KARS1: variants seen among roughly 807,000 people sequenced by gnomAD.
KARS1 encodes the protein lysyl-tRNA synthetase 1.
A neutral mutation model predicts 63.9 loss-of-function variants in KARS1; 50 were observed. The ratio of observed to expected loss-of-function variants is 0.78; its 90% CI spans 0.62 to 0.99. The LOEUF is 0.99. Ranked by LOEUF, KARS1 falls within the 50% of genes least tolerant of loss-of-function variation. The pLI, the probability that KARS1 is intolerant of heterozygous loss-of-function variation, is 0.00. For synonymous variants in KARS1, 320 were observed against 264.6 expected (o/e 1.21, Z -2.03); for missense variants, 816 against 754.5 (o/e 1.08, Z -0.95).
At chr16:75,632,877 G>T (rs564712518) in intron 7 of KARS1, among the ~76,000 whole-genome samples, 1 of 152,206 alleles carries the variant, frequency 6.6e-6, no homozygotes, top group Admixed American at 6.5e-5. Flanking sequence ...TACGTAGCTT[G>T]TAATAACTGA....
chr16:75,640,324 G>A lies in KARS1; in HGVS notation c.248C>T (p.Ala83Val), dbSNP rs1460562043. 2 of 1,609,180 alleles carry A rather than the reference G, an allele frequency of 1.2e-6. No individual in the cohort carries two copies. The highest frequency in any genetic ancestry group is 1.7e-6 in the Non-Finnish European group (2 of 1,178,654). ...PNQYYKIRSQ[A>V]IHQLKVNGED... is the part of the protein sequence containing the mutation. ...CCCATTGACCTTCAGCTGATGAATT[G>A]CTTGACTGCGGATTTTGTAGTATTG... is the stretch of plus-strand genomic sequence containing the variant. Residue 83 changes from alanine (A) to valine (V), a missense_variant, in exon 3 of 14, where the codon GCA (alanine) becomes GTA (valine). By Grantham distance (64) the Ala-to-Val change is moderately conservative. Coordinates refer to ENST00000302445, the MANE Select transcript of KARS1 (RefSeq NM_005548.3).
intron 12 of KARS1, 121 bp from the exon 13 acceptor site, chr16:75,628,833 G>C (rs183997185): frequency 9.8e-7 from 1 of 1,019,050 alleles, no homozygotes; most frequent in Admixed American, 1.9e-5. Flanking sequence ...CTGACACTCA[G>C]GACTTGCTGG....
chr16:75,628,558 T>TTGC lies in KARS1; in HGVS notation c.1695+8_1695+10dup. The TTGC allele has an allele frequency of 6.2e-7, 1 of 1,613,300 alleles. No homozygotes were observed. Among genetic ancestry groups the TTGC allele is most frequent in the Non-Finnish European group, 8.5e-7 (1 of 1,179,894 alleles). Reference sequence around the variant, plus strand: ...CTCAGGAAGTGTGCTCTGTGGAGGGTTGCTACGTACCTTGATGTTGTTGGA... The same window carrying TTGC: ...CTCAGGAAGTGTGCTCTGTGGAGGGTTGCTGCTACGTACCTTGATGTTGTTGGA... On this transcript the variant is annotated intron_variant, in intron 13 of 13. Coordinates refer to ENST00000302445, the MANE Select transcript of KARS1 (RefSeq NM_005548.3).
At position 75,641,599 on chromosome 16, in the gene KARS1, C is replaced by A. The variant is rs1202458126; in HGVS notation, c.187G>T (p.Gly63Cys). The change falls in exon 2 of 14, where the codon GGT (glycine) becomes TGT (cysteine). Residue 63 changes from glycine to cysteine, a missense_variant. Gly to Cys is a radical substitution (Grantham distance 159). Transcript: ENST00000302445. ...AAATNHTTDNGVGPEEESVDP... is the reference protein window; with the variant it reads ...AAATNHTTDNCVGPEEESVDP... Reference sequence around the variant, plus strand: ...ACGCTCTCTTCCTCAGGACCCACACCATTATCAGTGGTGTGGTTGGTGGCA... The same window carrying A: ...ACGCTCTCTTCCTCAGGACCCACACAATTATCAGTGGTGTGGTTGGTGGCA... 1 of 1,613,906 alleles carries A rather than the reference C, an allele frequency of 6.2e-7. No homozygotes were observed.
intron 1 of KARS1, among the ~76,000 whole-genome samples, chr16:75,646,482 A>G (rs1238066598): frequency 6.6e-6 from 1 of 151,620 alleles, no homozygotes; most frequent in East Asian, 2.0e-4. Context: ...CGAAGGTTGC[A>G]GTGAGCTGAG....
chr16:75,638,251 A>G (rs893275704), intron 3 of KARS1, among the ~76,000 whole-genome samples: 1 of 151,814 alleles, frequency 6.6e-6, no homozygotes, highest in African/African-American at 2.4e-5. Context: ...AAGTTCTGGG[A>G]CACATGTGCA....
intron 1 of KARS1, among the ~76,000 whole-genome samples, chr16:75,646,847 T>C (rs1213261284): frequency 6.6e-6 from 1 of 152,160 alleles, no homozygotes; most frequent in Admixed American, 6.5e-5. Context: ...CTATGTACCA[T>C]CTTCCTAGCA....
chr16:75,632,146 T>A (rs898173958), intron 7 of KARS1, among the ~76,000 whole-genome samples: 4 of 152,096 alleles, frequency 2.6e-5, no homozygotes, highest in Admixed American at 2.6e-4. Flanking sequence ...TGCCTCCGCC[T>A]CCCAAAGTGC....
At chr16:75,635,455 C>T (rs1199883243) in intron 6 of KARS1, 1 of 547,548 alleles carries the variant, frequency 1.8e-6, no homozygotes, top group Non-Finnish European at 3.3e-6. Context: ...AATGTGACAT[C>T]ATTAGCATGT....
chr16:75,645,822 G>T (rs542199922), intron 1 of KARS1, among the ~76,000 whole-genome samples: 1 of 147,710 alleles, frequency 6.8e-6, no homozygotes, highest in Non-Finnish European at 1.5e-5. Flanking sequence ...AATCCAGCCG[G>T]GGCAACAACG....
At chr16:75,633,459 A>G (rs539608076) in intron 7 of KARS1, among the ~76,000 whole-genome samples, 3 of 151,866 alleles carry the variant, frequency 2.0e-5, no homozygotes, top group East Asian at 3.9e-4. Flanking sequence ...CTGAATAATA[A>G]TCTTCAATAT....
intron 1 of KARS1, among the ~76,000 whole-genome samples, chr16:75,642,214 T>A (rs2082233876): frequency 7.7e-6 from 1 of 129,442 alleles, no homozygotes; most frequent in Admixed American, 7.6e-5. Flanking sequence ...TTTTTTTTTT[T>A]TTTTTATGAG....
Position 75,647,660 on chromosome 16 carries a change from A to C in KARS1, c.-21T>G, listed in dbSNP as rs560767311. On this transcript the variant is annotated 5_prime_UTR_variant, in exon 1 of 14. Transcript: ENST00000302445. Reference sequence around the variant, plus strand: ...GCCATCTTCCCGGAGGGCCCGACCCAAAAGTAAGGAGGATAGTACGTTAAT... The same window carrying C: ...GCCATCTTCCCGGAGGGCCCGACCCCAAAGTAAGGAGGATAGTACGTTAAT... The C allele has an allele frequency of 9.3e-6, 15 of 1,612,862 alleles. No individual in the cohort carries two copies. Among genetic ancestry groups the C allele is most frequent in the Middle Eastern group, 1.6e-4 (1 of 6,062 alleles).
chr16:75,631,812 C>T lies in KARS1; in HGVS notation c.959G>A (p.Arg320His), dbSNP rs527981017. ...ATCAATCCCCTCATTCCGGAACTGG[C>T]GTCCAATTTCATAAACCCGGTCGAT... is the stretch of plus-strand genomic sequence containing the variant. ...GGIDRVYEIGRQFRNEGIDLT... is the reference protein window; with the variant it reads ...GGIDRVYEIGHQFRNEGIDLT... Residue 320 changes from arginine (R) to histidine (H), a missense_variant, in exon 8 of 14, where the codon CGC becomes CAC. Physicochemically the swap from Arg to His is conservative, Grantham distance 29. Transcript: ENST00000302445. 1.7e-5 allele frequency: 27 copies of T among 1,614,164 alleles called. No individual in the cohort carries two copies. The highest frequency in any genetic ancestry group is 9.9e-5 in the South Asian group (9 of 91,084).
chr16:75,638,291 A>C (rs1002574805), intron 3 of KARS1, among the ~76,000 whole-genome samples: 1 of 151,850 alleles, frequency 6.6e-6, no homozygotes, highest in Non-Finnish European at 1.5e-5. Context: ...ATAGGTATAC[A>C]TGTGCCATGG....
chr16:75,631,555 G>A lies in KARS1; in HGVS notation c.1113C>T (p.Val371=), dbSNP rs755255130. The change falls in exon 9 of 14, where the codon GTC becomes GTT. Residue 371 remains valine, a synonymous_variant. Coordinates refer to ENST00000302445, the MANE Select transcript of KARS1 (RefSeq NM_005548.3). ...CCTCTGGGCCATCTGGGTGGTAGGTGACCTTGTAACTGCCTGTAATATGCT... is the reference window on the plus strand; with the variant it reads ...CCTCTGGGCCATCTGGGTGGTAGGTAACCTTGTAACTGCCTGTAATATGCT... ...MVKHITGSYK[V]TYHPDGPEGQ... 3 of 1,614,142 alleles carry A rather than the reference G, an allele frequency of 1.9e-6. No homozygotes were observed. The highest frequency in any genetic ancestry group is 1.7e-6 in the Non-Finnish European group (2 of 1,180,022).
intron 11 of KARS1, 85 bp from the exon 12 acceptor site, chr16:75,629,626 G>A: frequency 7.1e-7 from 1 of 1,416,946 alleles, no homozygotes; most frequent in South Asian, 1.1e-5. Flanking sequence ...TTGAGACGGA[G>A]TCTCGCTCTG....
Position 75,637,196 on chromosome 16 carries a change from A to G in KARS1, c.389-649T>C, listed in dbSNP as rs989997965. ...AAGCACAGCTAGAGAGGCGAAGCGA[A>G]AAATCCATGGACAAAATTTACAACA... On this transcript the variant is annotated intron_variant, in intron 3 of 13. Transcript: ENST00000302445. 8.5e-5 allele frequency among the ~76,000 whole-genome samples: 13 copies of G among 152,266 alleles called. No individual in the cohort carries two copies. In the South Asian group the frequency reaches 1.2e-3, roughly 15 times the overall value.
intron 4 of KARS1, 145 bp downstream of exon 4, chr16:75,636,309 G>T: frequency 1.3e-6 from 1 of 768,540 alleles, no homozygotes. Context: ...TGACCAGGTG[G>T]CCACATTATC....
Sources: gnomAD v4.1 joint callset for allele counts (sites outside exome capture counted in the v4.1 genomes callset) on GRCh38, gnomAD v4.1.1 for gene constraint, MANE v1.5 for transcripts, NCBI Gene and HGNC (gene_info 2026-07-23, HGNC 2026-07-21) for gene names.